MSI2: variants seen among roughly 807,000 people sequenced by gnomAD.
The protein encoded by MSI2 is RNA-binding protein Musashi homolog 2.
A neutral mutation model predicts 45.6 loss-of-function variants in MSI2; 17 were observed. The observed-to-expected ratio is 0.37, with a 90% CI of 0.26 to 0.56. The LOEUF (loss-of-function observed/expected upper bound fraction) is 0.56. Among genes scored for constraint, MSI2 ranks in the 20% least tolerant of loss-of-function variants. The probability of loss-of-function intolerance (pLI) is 0.77; values close to 1 mark genes in which losing one functional copy is unlikely to be tolerated. For missense variants in MSI2, 293 were observed against 444.2 expected, an observed-to-expected ratio of 0.66 and a Z score of 3.06; for synonymous variants, 156 against 158.2, an observed-to-expected ratio of 0.99 and a Z score of 0.11.
chr17:57,298,995 G>T (rs1034394334), intron 5 of MSI2, among the ~76,000 whole-genome samples: 2 of 152,228 alleles, frequency 1.3e-5, no homozygotes, highest in African/African-American at 4.8e-5. Context: ...TGGATAACTT[G>T]CTGTGTAGCT....
chr17:57,262,286 C>A, intron 5 of MSI2, 94 bp downstream of exon 5: 1 of 1,337,116 alleles, frequency 7.5e-7, no homozygotes, highest in Non-Finnish European at 1.1e-6. Context: ...ACTGTTGAAG[C>A]CTGGTATTCA....
chr17:57,512,572 G>A (rs532907391), intron 6 of MSI2, among the ~76,000 whole-genome samples: 7 of 152,328 alleles, frequency 4.6e-5, no homozygotes, highest in African/African-American at 9.6e-5. Context: ...CTCAGAGGCC[G>A]CAGAGTCTTA....
intron 10 of MSI2, among the ~76,000 whole-genome samples, chr17:57,641,126 A>G (rs972930444): frequency 4.6e-5 from 7 of 152,224 alleles, no homozygotes; most frequent in Non-Finnish European, 7.3e-5. Flanking sequence ...GTCTAGCAGT[A>G]AAAGGGTTGG....
chr17:57,433,181 G>T (rs1325399433), intron 6 of MSI2, among the ~76,000 whole-genome samples: 1 of 152,204 alleles, frequency 6.6e-6, no homozygotes, highest in Non-Finnish European at 1.5e-5. Context: ...CTTCTCTAAG[G>T]TGACACGCCA....
At chr17:57,279,791 C>T (rs556924801) in intron 5 of MSI2, 2 of 152,220 alleles carry the variant, frequency 1.3e-5, no homozygotes, top group East Asian at 3.9e-4. Flanking sequence ...ACCGCAGGCA[C>T]ACATCACTGT....
chr17:57,455,613 G>A (rs2085099135), intron 6 of MSI2, among the ~76,000 whole-genome samples: 1 of 152,164 alleles, frequency 6.6e-6, no homozygotes, highest in African/African-American at 2.4e-5. Flanking sequence ...TGTATAGCGA[G>A]TCCAAAACAA....
intron 6 of MSI2, among the ~76,000 whole-genome samples, chr17:57,495,416 C>T (rs867118582): frequency 6.6e-6 from 1 of 151,316 alleles, no homozygotes; most frequent in African/African-American, 2.4e-5. Flanking sequence ...GCCTGTAATC[C>T]CAGCTACTCA....
intron 7 of MSI2, among the ~76,000 whole-genome samples, chr17:57,536,356 C>T (rs1292559488): frequency 6.6e-6 from 1 of 152,152 alleles, no homozygotes; most frequent in Non-Finnish European, 1.5e-5. Flanking sequence ...AGGGCACAGT[C>T]CAAGAAGAAG....
At chr17:57,452,533 C>CA (rs974959684) in intron 6 of MSI2, among the ~76,000 whole-genome samples, 1 of 152,232 alleles carries the variant, frequency 6.6e-6, no homozygotes, top group African/African-American at 2.4e-5. Context: ...GCAGTCTTAA[C>CA]AATCCATCTG....
chr17:57,324,669 G>C (rs770920518), intron 5 of MSI2, among the ~76,000 whole-genome samples: 4 of 152,180 alleles, frequency 2.6e-5, no homozygotes, highest in Non-Finnish European at 4.4e-5. Flanking sequence ...GGTGGCTGTA[G>C]ATCCTCCTCC....
intron 6 of MSI2, among the ~76,000 whole-genome samples, chr17:57,485,197 G>A (rs1306107161): frequency 1.3e-5 from 2 of 152,150 alleles, no homozygotes; most frequent in African/African-American, 4.8e-5. Flanking sequence ...GACTATTCTA[G>A]TCTTAGGAAA....
At chr17:57,451,399 G>A (rs2085016426) in intron 6 of MSI2, among the ~76,000 whole-genome samples, 1 of 152,162 alleles carries the variant, frequency 6.6e-6, no homozygotes, top group Non-Finnish European at 1.5e-5. Context: ...TTAAGTGATG[G>A]TGTTGGAGGA....
At chr17:57,270,811 A>C (rs1028717085) in intron 5 of MSI2, among the ~76,000 whole-genome samples, 1 of 152,162 alleles carries the variant, frequency 6.6e-6, no homozygotes, top group African/African-American at 2.4e-5. Context: ...GGGACCTTAT[A>C]ACCGAGCAGC....
At chr17:57,574,265 G>T (rs1352469186) in intron 7 of MSI2, among the ~76,000 whole-genome samples, 1 of 152,162 alleles carries the variant, frequency 6.6e-6, no homozygotes, top group South Asian at 2.1e-4. Context: ...CTCCACCACT[G>T]CCAGCTTCTC....
At chr17:57,533,903 C>G (rs747939074) in intron 7 of MSI2, among the ~76,000 whole-genome samples, 1 of 152,188 alleles carries the variant, frequency 6.6e-6, no homozygotes, top group Non-Finnish European at 1.5e-5. Context: ...AGCAGCACTC[C>G]CAGCCACTGG....
chr17:57,462,643 G>A (rs2085253099), intron 6 of MSI2, among the ~76,000 whole-genome samples: 1 of 152,206 alleles, frequency 6.6e-6, no homozygotes, highest in South Asian at 2.1e-4. Context: ...GCACAGAGCA[G>A]GACATTCTCC....
chr17:57,626,903 G>C (rs1908857029), intron 9 of MSI2: 1 of 421,164 alleles, frequency 2.4e-6, no homozygotes, highest in African/African-American at 2.0e-5. Flanking sequence ...GTACATGCAG[G>C]GTAAGCTCTC....
chr17:57,494,779 C>T (rs901176612), intron 6 of MSI2, among the ~76,000 whole-genome samples: 1 of 152,122 alleles, frequency 6.6e-6, no homozygotes, highest in South Asian at 2.1e-4. Flanking sequence ...GGCACGTGGT[C>T]ATTCAGCAAA....
intron 6 of MSI2, among the ~76,000 whole-genome samples, chr17:57,439,953 G>T (rs774721685): frequency 6.6e-6 from 1 of 152,028 alleles, no homozygotes; most frequent in African/African-American, 2.4e-5. Flanking sequence ...GGGATAAGAG[G>T]GGGGGTCTGT....
Sources: allele counts gnomAD v4.1 joint callset (sites outside exome capture counted in the v4.1 genomes callset), GRCh38; gene constraint gnomAD v4.1.1; transcripts MANE v1.5; gene names NCBI Gene and HGNC (gene_info 2026-07-23, HGNC 2026-07-21).